The following GPC4 variants were observed in gnomAD, a reference collection of about 807,000 sequenced individuals.
GPC4 encodes glypican 4.
In GPC4, 10 loss-of-function variants were observed where a neutral mutation model predicts 35.0. The ratio of observed to expected loss-of-function variants is 0.29; its 90% CI spans 0.18 to 0.48. The LOEUF is 0.48. Among genes scored for constraint, GPC4 ranks in the 20% least tolerant of loss-of-function variants. The pLI is 0.99. For synonymous variants in GPC4, 167 were observed against 170.2 expected (o/e 0.98, Z 0.15); for missense variants, 322 against 451.3 (o/e 0.71, Z 2.60).
At chrX:133,360,861 G>C (rs1239511374) in intron 1 of GPC4, among the ~76,000 whole-genome samples, 1 of 111,929 alleles carries the variant, frequency 8.9e-6, no homozygotes, top group Non-Finnish European at 1.9e-5. Flanking sequence ...TGCTGCATTA[G>C]AGCATCATTT....
At chrX:133,342,038 T>A (rs1172700033) in intron 1 of GPC4, among the ~76,000 whole-genome samples, 1 of 100,113 alleles carries the variant, frequency 1.0e-5, no homozygotes, top group Non-Finnish European at 2.0e-5. Flanking sequence ...CACTATTTTT[T>A]TTTTTTTTTT....
At chrX:133,383,640 G>A (rs1338939729) in intron 1 of GPC4, among the ~76,000 whole-genome samples, 1 of 111,137 alleles carries the variant, frequency 9.0e-6, no homozygotes, top group Non-Finnish European at 1.9e-5. Context: ...GAGGCCAGGA[G>A]ATCGAGACTA....
chrX:133,338,871 T>A (rs1465031067), intron 2 of GPC4, among the ~76,000 whole-genome samples: 1 of 110,629 alleles, frequency 9.0e-6, no homozygotes, highest in Non-Finnish European at 1.9e-5. Context: ...TATTATGAGG[T>A]CTTTTTTTTT....
chrX:133,319,081 C>T (rs937951602), intron 3 of GPC4, among the ~76,000 whole-genome samples: 2 of 111,927 alleles, frequency 1.8e-5, no homozygotes, highest in South Asian at 7.5e-4. Context: ...CATCCACTCA[C>T]GAAGAGAAAG....
intron 6 of GPC4, 65 bp from the exon 7 acceptor site, chrX:133,304,926 G>T (rs983079831): frequency 1.3e-5 from 14 of 1,081,709 alleles, no homozygotes; most frequent in Non-Finnish European, 1.8e-5. Flanking sequence ...ACCTACAAGT[G>T]TGCCTTCTGG....
intron 1 of GPC4, among the ~76,000 whole-genome samples, chrX:133,410,614 T>A (rs935656926): frequency 8.9e-6 from 1 of 112,278 alleles, no homozygotes; most frequent in African/African-American, 3.2e-5. Context: ...CTGCCTCAGA[T>A]TAACGCCAAT....
intron 2 of GPC4, among the ~76,000 whole-genome samples, chrX:133,326,321 G>C (rs1241909824): frequency 1.8e-5 from 2 of 111,684 alleles, no homozygotes; most frequent in African/African-American, 3.3e-5. Context: ...AAAATCCCCT[G>C]AGTGGTTCTC....
rs1454866878 is a variant in GPC4 at position 133,301,442 on chromosome X, G to A, written c.*1425C>T. On this transcript the variant is annotated 3_prime_UTR_variant, in exon 9 of 9. Transcript: ENST00000370828. Reference sequence around the variant, plus strand: ...AAGGACACAAGGAAGGGATTCCCAAGGCAGTTGTTAGTCTTTGGCCTGGGA... The same window carrying A: ...AAGGACACAAGGAAGGGATTCCCAAAGCAGTTGTTAGTCTTTGGCCTGGGA... 8.9e-6 allele frequency: 1 copy of A among 112,703 alleles called. No homozygotes were observed. The highest frequency in any genetic ancestry group is 1.9e-5 in the Non-Finnish European group (1 of 53,363). The allele number at this position is 112,703 out of a possible 1,213,427, so 9.3% of individuals were successfully genotyped here.
At chrX:133,393,503 A>C (rs1431359411) in intron 1 of GPC4, among the ~76,000 whole-genome samples, 10 of 109,761 alleles carry the variant, frequency 9.1e-5, no homozygotes, top group African/African-American at 2.6e-4. Context: ...GAGAAAAAAA[A>C]AAAAAACAAA....
intron 1 of GPC4, among the ~76,000 whole-genome samples, chrX:133,378,814 G>A (rs2068647880): frequency 9.0e-6 from 1 of 111,214 alleles, no homozygotes; most frequent in Admixed American, 9.6e-5. Context: ...AAGCCAAAAA[G>A]CCCTATTACC....
At chrX:133,344,191 G>GTTTTTTTTTTTTTTTTTTTTTTTT (rs747976050) in intron 1 of GPC4, among the ~76,000 whole-genome samples, 3 of 38,891 alleles carry the variant, frequency 7.7e-5, no homozygotes, top group Non-Finnish European at 1.0e-4. Context: ...TTTCTTTCTG[G>GTTTTTTTTTTTTTTTTTTTTTTTT]TTTTTTTTTT....
chrX:133,351,167 G>A (rs1021389790), intron 1 of GPC4, among the ~76,000 whole-genome samples: 2 of 111,775 alleles, frequency 1.8e-5, no homozygotes, highest in African/African-American at 6.5e-5. Context: ...TCAGTTCCTG[G>A]AGCTTTAAGT....
At chrX:133,384,363 T>TA (rs111481868) in intron 1 of GPC4, among the ~76,000 whole-genome samples, 47 of 103,437 alleles carry the variant, frequency 4.5e-4, no homozygotes, top group South Asian at 1.7e-3. Flanking sequence ...AGTCATTTCT[T>TA]AAAAAAAAAA....
At chrX:133,359,929 C>A (rs1459459776) in intron 1 of GPC4, among the ~76,000 whole-genome samples, 1 of 110,588 alleles carries the variant, frequency 9.0e-6, no homozygotes, top group Admixed American at 9.7e-5. Context: ...CTAGAAGGGA[C>A]CCTGGGAAGT....
At chrX:133,400,218 A>G (rs1479254672) in intron 1 of GPC4, among the ~76,000 whole-genome samples, 1 of 112,166 alleles carries the variant, frequency 8.9e-6, no homozygotes, top group Non-Finnish European at 1.9e-5. Flanking sequence ...CTACTGCACA[A>G]GTGCTCTAGG....
chrX:133,324,302 T>C lies in GPC4; in HGVS notation c.554A>G (p.Glu185Gly). The change falls in exon 3 of 9, where the codon GAG (glutamate) becomes GGG (glycine). Residue 185 changes from glutamate to glycine, a missense_variant. By Grantham distance (98) the Glu-to-Gly change is moderately conservative. Around this residue, in one of 3 missense-constraint regions of GPC4, gnomAD observed 163 missense variants for 277.2 expected, o/e 0.59. Coordinates refer to ENST00000370828, the MANE Select transcript of GPC4 (RefSeq NM_001448.3). ...ATACTTGCTCACACATTCCAGATAC[T>C]CATCTGTAAAGTGGTACTGGGAGTT... is the stretch of plus-strand genomic sequence containing the variant. ...LVNSQYHFTD[E>G]YLECVSKYTE... 1.7e-6 allele frequency: 2 copies of C among 1,211,179 alleles called. No individual in the cohort carries two copies. Among genetic ancestry groups the C allele is most frequent in the Non-Finnish European group, 2.2e-6 (2 of 895,255 alleles).
rs751016772 is a variant in GPC4 at position 133,342,319 on chromosome X, G to A, written c.161-2978C>T. 5.4e-5 allele frequency among the ~76,000 whole-genome samples: 6 copies of A among 111,086 alleles called. No individual in the cohort carries two copies. In the East Asian group the frequency reaches 1.1e-3, roughly 21 times the overall value. On this transcript the variant is annotated intron_variant, in intron 1 of 8. Transcript: ENST00000370828. ...CCCAAAGTGCTGGGATTACAGGCGCGAGCCACCATGCCCGGCCTGCAATAT... is the reference window on the plus strand; with the variant it reads ...CCCAAAGTGCTGGGATTACAGGCGCAAGCCACCATGCCCGGCCTGCAATAT...
At chrX:133,303,427 C>A in intron 7 of GPC4, 86 bp from the exon 8 acceptor site, 1 of 795,069 alleles carries the variant, frequency 1.3e-6, no homozygotes, top group Non-Finnish European at 1.8e-6. Context: ...GGATTACAGG[C>A]GTGAAGATTA....
At chrX:133,388,374 C>T (rs921922639) in intron 1 of GPC4, among the ~76,000 whole-genome samples, 3 of 111,954 alleles carry the variant, frequency 2.7e-5, no homozygotes, top group African/African-American at 9.7e-5. Context: ...CTTTTCTTAA[C>T]GGAAAGGAAA....
Sources: allele counts gnomAD v4.1 joint callset (sites outside exome capture counted in the v4.1 genomes callset), GRCh38; gene constraint gnomAD v4.1.1; regional missense constraint gnomAD v4.1.1; transcripts MANE v1.5; gene names NCBI Gene and HGNC (gene_info 2026-07-23, HGNC 2026-07-21).